Variants in NOXRED1 observed in about 807,000 individuals in gnomAD.
NOXRED1 encodes the protein NADP-dependent oxidoreductase domain-containing protein 1.
NOXRED1 carries 20 observed loss-of-function variants against 30.4 expected under a neutral mutation model. That is an observed-to-expected ratio of 0.66 (90% CI 0.46 to 0.96). NOXRED1 has a LOEUF of 0.96. NOXRED1 is among the 40% of genes least tolerant of loss of function. The probability of loss-of-function intolerance (pLI) is 0.00; values close to 1 mark genes in which losing one functional copy is unlikely to be tolerated. For synonymous variants in NOXRED1, 155 were observed against 168.0 expected, an observed-to-expected ratio of 0.92 and a Z score of 0.60; for missense variants, 374 against 428.0, an observed-to-expected ratio of 0.87 and a Z score of 1.11.
At position 77,406,845 on chromosome 14, in the gene NOXRED1, G is replaced by A; in HGVS notation, c.561C>T (p.Ile187=). ...CATCATACTGATACTGAGGCCGCAA[G>A]ATATTGGTGTGGTTCAACAGTAGTT... is the stretch of plus-strand genomic sequence containing the variant. ...RLKLLLNHTN[I]LRPQYQYDED... is the part of the protein sequence containing the mutation. The change falls in exon 4 of 6, where the codon ATC becomes ATT. Residue 187 remains isoleucine (I), a synonymous_variant. Transcript: ENST00000380835. 4 of 1,614,078 alleles carry A rather than the reference G, an allele frequency of 2.5e-6. No individual in the cohort carries two copies. Among genetic ancestry groups the A allele is most frequent in the Non-Finnish European group, 3.4e-6 (4 of 1,179,966 alleles).
intron 5 of NOXRED1, among the ~76,000 whole-genome samples, chr14:77,396,538 C>T (rs919086351): frequency 1.3e-5 from 2 of 152,042 alleles, no homozygotes; most frequent in South Asian, 2.1e-4. Context: ...CATGAGCCAC[C>T]GCACCCAGCC....
intron 5 of NOXRED1, 39 bp downstream of exon 5, chr14:77,405,874 T>C (rs767124891): frequency 8.3e-7 from 1 of 1,203,572 alleles, no homozygotes. Context: ...GAGAAGAGTC[T>C]GGGAGAAATG....
chr14:77,410,098 C>T (rs1365100512), intron 2 of NOXRED1, among the ~76,000 whole-genome samples: 1 of 151,526 alleles, frequency 6.6e-6, no homozygotes, highest in African/African-American at 2.4e-5. Flanking sequence ...CCACCATGCC[C>T]AGTTGGTAAG....
rs777823768 is a variant in NOXRED1, at chr14:77,422,850, A to T, written c.40T>A (p.Tyr14Asn). 4.3e-6 allele frequency: 7 copies of T among 1,613,458 alleles called. No homozygotes were observed. The Admixed American group carries it at 1.2e-4, about 27-fold the overall frequency. The change falls in exon 1 of 6, where the codon TAT (tyrosine) becomes AAT (asparagine). Residue 14 changes from tyrosine to asparagine, a missense_variant. Coordinates refer to ENST00000380835, the MANE Select transcript of NOXRED1 (RefSeq NM_001113475.3). ...ATACGATCTTCCTCTGGAACCCCAT[A>T]CTCAAACTGCAGGGACTCAAGGTCC... is the stretch of plus-strand genomic sequence containing the variant. ...LQDLESLQFE[Y>N]GVPEEDRIWL...
At chr14:77,407,723 A>T (rs1894516770) in intron 2 of NOXRED1, 78 bp from the exon 3 acceptor site, 2 of 973,660 alleles carry the variant, frequency 2.1e-6, no homozygotes, top group South Asian at 2.9e-5. Flanking sequence ...GGAGAGGGTG[A>T]TCATTATTTT....
chr14:77,404,189 CAA>C (rs982462691), intron 5 of NOXRED1, among the ~76,000 whole-genome samples: 13 of 152,160 alleles, frequency 8.5e-5, no homozygotes, highest in African/African-American at 2.4e-4. Flanking sequence ...GAGAGAGAAA[CAA>C]GAGATGTTTC....
At chr14:77,397,615 G>A (rs1467912441) in intron 5 of NOXRED1, among the ~76,000 whole-genome samples, 7 of 152,028 alleles carry the variant, frequency 4.6e-5, no homozygotes, top group South Asian at 2.1e-4. Flanking sequence ...GGCTGGGTGC[G>A]GTGGCTCACA....
At chr14:77,394,831 T>A in intron 5 of NOXRED1, 26 bp from the exon 6 acceptor site, 1 of 1,569,930 alleles carries the variant, frequency 6.4e-7, no homozygotes, top group Non-Finnish European at 8.7e-7. Context: ...TATTGTTACT[T>A]TTTTATGTCT....
intron 2 of NOXRED1, 99 bp downstream of exon 2, chr14:77,413,835 G>A (rs972088672): frequency 1.6e-5 from 12 of 745,172 alleles, no homozygotes; most frequent in Non-Finnish European, 2.3e-5. Flanking sequence ...TCCACACGCT[G>A]TATGCAAGGA....
At chr14:77,396,179 G>C (rs923269518) in intron 5 of NOXRED1, among the ~76,000 whole-genome samples, 11 of 151,386 alleles carry the variant, frequency 7.3e-5, no homozygotes, top group Non-Finnish European at 1.3e-4. Flanking sequence ...ATGGACATTG[G>C]AAAGGAAGAA....
chr14:77,411,620 T>C (rs1594876263), intron 2 of NOXRED1, among the ~76,000 whole-genome samples: 1 of 152,088 alleles, frequency 6.6e-6, no homozygotes, highest in East Asian at 1.9e-4. Flanking sequence ...AGAAATCAGA[T>C]TGTTGGTTTC....
At chr14:77,409,225 C>T (rs1894575057) in intron 2 of NOXRED1, among the ~76,000 whole-genome samples, 1 of 152,026 alleles carries the variant, frequency 6.6e-6, no homozygotes, top group Admixed American at 6.6e-5. Context: ...TGGCTCTGTG[C>T]CCCCACCCAA....
At chr14:77,401,437 T>A (rs1244599117) in intron 5 of NOXRED1, among the ~76,000 whole-genome samples, 1 of 151,650 alleles carries the variant, frequency 6.6e-6, no homozygotes, top group Non-Finnish European at 1.5e-5. Context: ...GGCTCATGCC[T>A]GTAATTCCAG....
chr14:77,408,892 ATTTTT>A (rs1177680524), intron 2 of NOXRED1, among the ~76,000 whole-genome samples: 6 of 68,156 alleles, frequency 8.8e-5, no homozygotes, highest in Admixed American at 2.9e-4. Flanking sequence ...CTGGTAGTTA[ATTTTT>A]TTTTTTTTTT....
rs771873920 is a variant in NOXRED1, at chr14:77,406,093, T to G, written c.725A>C (p.Tyr242Ser). 6.2e-7 allele frequency: 1 copy of G among 1,613,832 alleles called. No individual in the cohort carries two copies. Among genetic ancestry groups the G allele is most frequent in the Non-Finnish European group, 8.5e-7 (1 of 1,179,780 alleles). ...LNIKWLEGVF[Y>S]AALNICTARN... is the part of the protein sequence containing the mutation. ...TGCTGTGCATATGTTTAGGGCCGCA[T>G]AGAACACTCCCTCCAACCACTTGAT... The change falls in exon 5 of 6, where the codon TAT becomes TCT. Residue 242 changes from tyrosine to serine, a missense_variant. Coordinates refer to ENST00000380835, the MANE Select transcript of NOXRED1 (RefSeq NM_001113475.3).
At chr14:77,406,668 T>C (rs1432058921) in intron 4 of NOXRED1, 56 bp downstream of exon 4, 13 of 1,500,366 alleles carry the variant, frequency 8.7e-6, no homozygotes, top group Non-Finnish European at 1.1e-5. Flanking sequence ...AAGATAGCAA[T>C]GGGCCAACAG....
chr14:77,408,876 C>T (rs776956637), intron 2 of NOXRED1, among the ~76,000 whole-genome samples: 3 of 93,792 alleles, frequency 3.2e-5, no homozygotes, highest in Non-Finnish European at 6.9e-5. Flanking sequence ...TGCATAAAAA[C>T]ACTCACTGGT....
intron 1 of NOXRED1, among the ~76,000 whole-genome samples, chr14:77,415,631 TAGACAGAC>T (rs543991068): frequency 1.4e-5 from 2 of 141,394 alleles, no homozygotes; most frequent in African/African-American, 5.4e-5. Context: ...GATAGATAGA[TAGACAGAC>T]AGACAGACAT....
intron 1 of NOXRED1, among the ~76,000 whole-genome samples, chr14:77,419,325 G>A (rs1242517501): frequency 4.0e-5 from 6 of 151,044 alleles, no homozygotes; most frequent in Admixed American, 1.3e-4. Context: ...TGCCCGCCTC[G>A]GCCTCCCAAA....
Sources: allele counts gnomAD v4.1 joint callset (sites outside exome capture counted in the v4.1 genomes callset), GRCh38; gene constraint gnomAD v4.1.1; transcripts MANE v1.5; gene names NCBI Gene and HGNC (gene_info 2026-07-23, HGNC 2026-07-21).